HUNK: variants seen among roughly 807,000 people sequenced by gnomAD.
HUNK encodes hormonally up-regulated neu tumor-associated kinase.
Under a neutral mutation model 61.0 loss-of-function variants are expected in HUNK, and 21 were observed. The ratio of observed to expected loss-of-function variants is 0.34; its 90% confidence interval spans 0.24 to 0.50. The LOEUF is 0.50. HUNK is among the 20% of genes least tolerant of loss of function. The pLI is 0.98. For missense variants in HUNK, 772 were observed against 945.7 expected, an observed-to-expected ratio of 0.82 and a Z score of 2.41; for synonymous variants, 371 against 386.1, an observed-to-expected ratio of 0.96 and a Z score of 0.46.
intron 8 of HUNK, among the ~76,000 whole-genome samples, chr21:31,987,827 G>A (rs1472776288): frequency 6.6e-6 from 1 of 152,220 alleles, no homozygotes; most frequent in Non-Finnish European, 1.5e-5. Context: ...TCCATTCGGA[G>A]CCAGAGGACC....
intron 6 of HUNK, among the ~76,000 whole-genome samples, chr21:31,969,209 G>A (rs1378849568): frequency 6.6e-6 from 1 of 152,078 alleles, no homozygotes; most frequent in African/African-American, 2.4e-5. Context: ...TTGCGTGTGT[G>A]TGATCAGCTC....
intron 3 of HUNK, among the ~76,000 whole-genome samples, chr21:31,941,106 A>C (rs1271474641): frequency 6.6e-6 from 1 of 152,222 alleles, no homozygotes; most frequent in Non-Finnish European, 1.5e-5. Flanking sequence ...TTGGGATTAC[A>C]GTCAGCTCCC....
intron 1 of HUNK, among the ~76,000 whole-genome samples, chr21:31,918,901 C>T (rs573813179): frequency 3.3e-5 from 5 of 152,242 alleles, no homozygotes; most frequent in South Asian, 4.1e-4. Context: ...GCCTGCTTCA[C>T]GGAAGGCCTT....
intron 4 of HUNK, among the ~76,000 whole-genome samples, chr21:31,948,573 C>T (rs2052826324): frequency 6.6e-6 from 1 of 151,794 alleles, no homozygotes. Context: ...ATTTCCTCAG[C>T]ACCTGGTGGA....
At chr21:31,893,612 T>C (rs1254547938) in intron 1 of HUNK, among the ~76,000 whole-genome samples, 1 of 152,186 alleles carries the variant, frequency 6.6e-6, no homozygotes. Flanking sequence ...CTTACTGGCC[T>C]CACCTCCTTG....
rs897224478 is a variant in HUNK at position 31,878,524 on chromosome 21, C to T, written c.261+4589C>T. ...CCGAAGTGGGTGGATCATTTGAGGT[C>T]AGGAGTTTGAGACCAGCCTGGCCAA... On this transcript the variant is annotated intron_variant, in intron 1 of 10. Coordinates refer to ENST00000270112, the MANE Select transcript of HUNK (RefSeq NM_014586.2). Among the ~76,000 whole-genome samples the T allele has an allele frequency of 2.0e-5, 3 of 152,056 alleles. No homozygotes were observed. The South Asian group carries it at 6.2e-4, about 32-fold the overall frequency.
intron 1 of HUNK, among the ~76,000 whole-genome samples, chr21:31,875,685 G>A (rs2052256520): frequency 6.6e-6 from 1 of 152,162 alleles, no homozygotes; most frequent in Non-Finnish European, 1.5e-5. Context: ...AATTCCTGTT[G>A]GCACTGGCGA....
Position 31,999,227 on chromosome 21 carries a change from T to G in HUNK, c.*43T>G, listed in dbSNP as rs2070372. ...TGGGGTATCTCTAGAAAACAGCAAC[T>G]GAACAGAGCTCCACACATCTGTCAG... On this transcript the variant is annotated 3_prime_UTR_variant, in exon 11 of 11. Coordinates refer to ENST00000270112, the MANE Select transcript of HUNK (RefSeq NM_014586.2). 1,157,366 of 1,523,566 alleles carry G rather than the reference T, an allele frequency of 0.76. 442,132 individuals are homozygous for G. The highest frequency in any genetic ancestry group is 0.78 in the Non-Finnish European group (878,925 of 1,125,926). 94.4% of individuals were successfully genotyped at this position (1,523,566 alleles called of 1,614,324 possible).
At chr21:31,917,605 T>C (rs2052592432) in intron 1 of HUNK, among the ~76,000 whole-genome samples, 1 of 151,828 alleles carries the variant, frequency 6.6e-6, no homozygotes. Context: ...TGAGTCTCGG[T>C]TTTACTGATC....
At chr21:31,993,270 C>T (rs369693927) in intron 9 of HUNK, among the ~76,000 whole-genome samples, 295 of 152,090 alleles carry the variant, frequency 1.9e-3, no homozygotes, top group African/African-American at 4.6e-3. Flanking sequence ...AACTGGGTGG[C>T]GATACTGGTC....
intron 1 of HUNK, among the ~76,000 whole-genome samples, chr21:31,902,667 T>A (rs1384839105): frequency 6.6e-6 from 1 of 152,226 alleles, no homozygotes; most frequent in East Asian, 1.9e-4. Context: ...ATAGGCCTTT[T>A]TGTTTTCACA....
At chr21:31,892,937 C>T (rs896149064) in intron 1 of HUNK, among the ~76,000 whole-genome samples, 1 of 150,876 alleles carries the variant, frequency 6.6e-6, no homozygotes, top group African/African-American at 2.4e-5. Context: ...TCACCCTGCC[C>T]CCTGCCTCAA....
At chr21:31,932,188 A>G (rs1365265161) in intron 2 of HUNK, among the ~76,000 whole-genome samples, 1 of 152,054 alleles carries the variant, frequency 6.6e-6, no homozygotes, top group Admixed American at 6.5e-5. Flanking sequence ...GGGCGTAAAC[A>G]CACACACACA....
intron 4 of HUNK, among the ~76,000 whole-genome samples, chr21:31,958,137 T>G (rs2052901944): frequency 2.6e-5 from 4 of 152,076 alleles, no homozygotes. Context: ...TGGGCCTCCT[T>G]GTTGTTGACT....
rs1341554761 is a variant in HUNK at position 31,980,413 on chromosome 21, T to C, written c.1174-3113T>C. On this transcript the variant is annotated intron_variant, in intron 7 of 10. Coordinates refer to ENST00000270112, the MANE Select transcript of HUNK (RefSeq NM_014586.2). ...TTTTTTTTGAGATGGAGTCTCGCTCTGTCACCAGGCTGGAGTGCAGTGGCG... is the reference window on the plus strand; with the variant it reads ...TTTTTTTTGAGATGGAGTCTCGCTCCGTCACCAGGCTGGAGTGCAGTGGCG... Among the ~76,000 whole-genome samples, 26 of 145,732 alleles carry C rather than the reference T, an allele frequency of 1.8e-4. No individual in the cohort carries two copies. The Admixed American group carries it at 1.8e-3, about 10-fold the overall frequency.
intron 6 of HUNK, among the ~76,000 whole-genome samples, chr21:31,970,994 C>T (rs1466157811): frequency 6.6e-6 from 1 of 152,078 alleles, no homozygotes; most frequent in Non-Finnish European, 1.5e-5. Flanking sequence ...GTGTATAAGG[C>T]CCATTGCTGA....
In HUNK at chr21:31,938,114, G is replaced by A. The variant is rs115534777; in HGVS notation, c.555-2051G>A. Reference sequence around the variant, plus strand: ...CCTTTTAGAGTTCACCTTTTTTTCTGCATTTGACTCCTTAATTCTTACCAT... The same window carrying A: ...CCTTTTAGAGTTCACCTTTTTTTCTACATTTGACTCCTTAATTCTTACCAT... On this transcript the variant is annotated intron_variant, in intron 2 of 10. Transcript: ENST00000270112. Among the ~76,000 whole-genome samples, 646 of 152,064 alleles carry A rather than the reference G, an allele frequency of 4.2e-3. 1 individual carries two copies. The highest frequency in any genetic ancestry group is 0.014 in the African/African-American group (596 of 41,482).
Position 31,998,473 on chromosome 21 carries a change from C to G in HUNK, c.1487-53C>G, listed in dbSNP as rs542641854. 122 of 1,470,158 alleles carry G rather than the reference C, an allele frequency of 8.3e-5. 2 individuals carry two copies. In the African/African-American group the frequency reaches 1.4e-3, roughly 17 times the overall value. The allele number at this position is 1,470,158 out of a possible 1,614,324, so 91.1% of individuals were successfully genotyped here. On this transcript the variant is annotated intron_variant, in intron 10 of 10. Transcript: ENST00000270112. ...AGGTCACAGCAGGCAGGAGAAGGGC[C>G]GTGAGCACTGTCCGGACGTCCTCAT...
At chr21:31,928,729 C>T (rs375389848) in intron 2 of HUNK, among the ~76,000 whole-genome samples, 7 of 152,104 alleles carry the variant, frequency 4.6e-5, no homozygotes, top group African/African-American at 7.2e-5. Context: ...GTGGCTTTAA[C>T]GGAATGTCTT....
Sources: gnomAD v4.1 joint callset for allele counts (sites outside exome capture counted in the v4.1 genomes callset) on GRCh38, gnomAD v4.1.1 for gene constraint, MANE v1.5 for transcripts, NCBI Gene and HGNC (gene_info 2026-07-23, HGNC 2026-07-21) for gene names.